Variants in NR2F1 observed in about 807,000 individuals in gnomAD.
NR2F1 encodes the protein COUP transcription factor 1.
A neutral mutation model predicts 37.7 loss-of-function variants in NR2F1; 1 was observed. That is an observed-to-expected ratio of 0.03 (90% CI 0.01 to 0.13). The LOEUF (loss-of-function observed/expected upper bound fraction) is 0.13, where lower values mean the gene tolerates loss of function less well. Ranked by LOEUF, NR2F1 falls within the 10% of genes least tolerant of loss-of-function variation. The pLI is 1.00. For missense variants in NR2F1, 268 were observed against 578.4 expected (o/e 0.46, Z 5.50); for synonymous variants, 275 against 259.6 (o/e 1.06, Z -0.57).
At chr5:93,586,430 G>A (rs921054358) in intron 1 of NR2F1, among the ~76,000 whole-genome samples, 2 of 151,924 alleles carry the variant, frequency 1.3e-5, no homozygotes, top group African/African-American at 4.8e-5. Flanking sequence ...CACAACTTTT[G>A]ATGTTGTATT....
intron 2 of NR2F1, among the ~76,000 whole-genome samples, chr5:93,592,674 C>A (rs1258594975): frequency 6.9e-5 from 8 of 115,402 alleles, no homozygotes; most frequent in Non-Finnish European, 1.1e-4. Flanking sequence ...CCACCCACAT[C>A]CCCCCCTACC....
Position 93,594,072 on chromosome 5 carries a change from G to A in NR2F1, c.*230G>A. On this transcript the variant is annotated 3_prime_UTR_variant, in exon 3 of 3. Coordinates refer to ENST00000327111, the MANE Select transcript of NR2F1 (RefSeq NM_005654.6). ...TCAGATCTGTGAGCACGTTGGCGAG[G>A]AAAAACAAAACAAACAAAAAAAAGA... 3 of 430,242 alleles carry A rather than the reference G, an allele frequency of 7.0e-6. No homozygotes were observed. The highest frequency in any genetic ancestry group is 6.7e-5 in the South Asian group (1 of 14,942). The allele number at this position is 430,242 out of a possible 1,614,324, so 26.7% of individuals were successfully genotyped here.
chr5:93,592,731 G>A (rs1753353544), intron 2 of NR2F1, among the ~76,000 whole-genome samples: 1 of 134,570 alleles, frequency 7.4e-6, no homozygotes, highest in African/African-American at 2.8e-5. Flanking sequence ...GCCTAGCTTT[G>A]TGTCTGATTG....
At chr5:93,590,073 G>T (rs980149001) in intron 2 of NR2F1, among the ~76,000 whole-genome samples, 3 of 152,326 alleles carry the variant, frequency 2.0e-5, no homozygotes, top group African/African-American at 7.2e-5. Flanking sequence ...TTTTTCAAAA[G>T]TGACAAAGAG....
At chr5:93,592,743 T>A (rs1350971929) in intron 2 of NR2F1, among the ~76,000 whole-genome samples, 1 of 144,484 alleles carries the variant, frequency 6.9e-6, no homozygotes, top group Non-Finnish European at 1.5e-5. Flanking sequence ...GTCTGATTGC[T>A]GAAGATGTCG....
At chr5:93,585,636 C>G (rs948320630) in intron 1 of NR2F1, 150 bp downstream of exon 1, 16 of 651,494 alleles carry the variant, frequency 2.5e-5, no homozygotes, top group Non-Finnish European at 3.7e-5. Context: ...CCTTCCTCCC[C>G]CGGCGTCTCC....
At chr5:93,587,258 T>A (rs1427172225) in intron 1 of NR2F1, 1 of 152,192 alleles carries the variant, frequency 6.6e-6, no homozygotes, top group Admixed American at 6.5e-5. Flanking sequence ...GTTCAACTTT[T>A]TTTCTTGAAA....
At position 93,584,925 on chromosome 5, in the gene NR2F1, C is replaced by CCCCCCTT. The variant is rs1234445623; in HGVS notation, c.-94_-88dup. ...GGCGGGCCCCCCGCCCCCTCCCCCT[C>CCCCCCTT]CCCCCTTCCCCTTCCCCTTCCCCTC... On this transcript the variant is annotated 5_prime_UTR_variant, in exon 1 of 3. Transcript: ENST00000327111. 2 of 144,026 alleles carry CCCCCCTT rather than the reference C, an allele frequency of 1.4e-5. No homozygotes were observed. The highest frequency in any genetic ancestry group is 3.1e-5 in the Non-Finnish European group (2 of 64,900). 8.9% of individuals were successfully genotyped at this position (144,026 alleles called of 1,614,324 possible).
chr5:93,585,130 G>C lies in NR2F1; in HGVS notation c.107G>C (p.Gly36Ala). The change falls in exon 1 of 3, where the codon GGC becomes GCC. Residue 36 changes from glycine to alanine, a missense_variant. By Grantham distance (60) the Gly-to-Ala change is moderately conservative. Around this residue, in one of 5 missense-constraint regions of NR2F1, gnomAD observed 90 missense variants for 106.5 expected, o/e 0.85. Coordinates refer to ENST00000327111, the MANE Select transcript of NR2F1 (RefSeq NM_005654.6). Reference sequence around the variant, plus strand: ...CAGGCGGCCCGCGGCGGCGGCGGCGGCGCCGGCGAGCAGCAGCAGCAGGCG... The same window carrying C: ...CAGGCGGCCCGCGGCGGCGGCGGCGCCGCCGGCGAGCAGCAGCAGCAGGCG... ...AAQAARGGGG[G>A]AGEQQQQAGS... The C allele has an allele frequency of 9.8e-7, 1 of 1,023,258 alleles. No individual in the cohort carries two copies. Among genetic ancestry groups the C allele is most frequent in the Non-Finnish European group, 1.2e-6 (1 of 855,564 alleles). 63.4% of individuals were successfully genotyped at this position (1,023,258 alleles called of 1,614,324 possible).
chr5:93,593,571 G>A lies in NR2F1; in HGVS notation c.1001G>A (p.Gly334Asp), dbSNP rs1753371214. 1 of 1,613,190 alleles carries A rather than the reference G, an allele frequency of 6.2e-7. No individual in the cohort carries two copies. The change falls in exon 3 of 3, where the codon GGC (glycine) becomes GAC (aspartate). Residue 334 changes from glycine (G) to aspartate (D), a missense_variant. By Grantham distance (94) the Gly-to-Asp change is moderately conservative. Around this residue, in one of 5 missense-constraint regions of NR2F1, gnomAD observed 99 missense variants for 191.9 expected, o/e 0.52. Transcript: ENST00000327111. The surrounding 1 kb of genome is among the most constrained non-coding windows in gnomAD (Gnocchi z 5.6). The part of the protein sequence containing the change: ...AIVLFTSDAC[G>D]LSDAAHIESL... ...GTGGCTGCTTGGGCAGACGCCTGTG[G>A]CCTGTCGGATGCGGCCCACATCGAG...
In NR2F1 at chr5:93,593,094, G is replaced by A. The variant is rs776232236; in HGVS notation, c.992-468G>A. Among the ~76,000 whole-genome samples the A allele has an allele frequency of 1.6e-4, 24 of 152,116 alleles. 1 individual carries two copies. Among genetic ancestry groups the A allele is most frequent in the Admixed American group, 1.5e-3 (23 of 15,278 alleles). ...GGAATCCTTTAAGAACTGCCTTCAG[G>A]CTGCATATTTCCTAAGGGGTACTGA... On this transcript the variant is annotated intron_variant, in intron 2 of 2. Coordinates refer to ENST00000327111, the MANE Select transcript of NR2F1 (RefSeq NM_005654.6). This position sits in a 1 kb window ranked among gnomAD's most constrained non-coding sequence, Gnocchi z 5.6.
At chr5:93,587,841 G>A (rs562501044) in intron 1 of NR2F1, 76 bp from the exon 2 acceptor site, 2 of 1,435,640 alleles carry the variant, frequency 1.4e-6, no homozygotes, top group South Asian at 1.3e-5. Flanking sequence ...GCATTGTGTT[G>A]GGTACGCTGC....
intron 1 of NR2F1, chr5:93,587,702 C>T: frequency 1.8e-6 from 1 of 566,348 alleles, no homozygotes; most frequent in Non-Finnish European, 3.1e-6. Context: ...TGGCCAGGGG[C>T]TCAGGCAGTG....
intron 2 of NR2F1, 92 bp downstream of exon 2, chr5:93,588,536 G>C (rs1753272447): frequency 1.1e-6 from 1 of 923,870 alleles, no homozygotes; most frequent in South Asian, 5.0e-5. Context: ...CTCCCGCGCG[G>C]CCGGTGCGGG....
chr5:93,589,301 A>G (rs1486363650), intron 2 of NR2F1, among the ~76,000 whole-genome samples: 1 of 152,256 alleles, frequency 6.6e-6, no homozygotes, highest in Admixed American at 6.5e-5. Flanking sequence ...AGATGGTTCA[A>G]ATTAACTTCC....
intron 1 of NR2F1, chr5:93,585,720 G>T (rs1333434401): frequency 2.3e-6 from 1 of 436,930 alleles, no homozygotes; most frequent in Non-Finnish European, 3.9e-6. Context: ...CCCCCACCCC[G>T]CCCGCTGCCT....
At chr5:93,589,716 A>G (rs1041947610) in intron 2 of NR2F1, among the ~76,000 whole-genome samples, 8 of 152,378 alleles carry the variant, frequency 5.3e-5, no homozygotes, top group South Asian at 2.1e-4. Context: ...ATAATCTATC[A>G]ATATTTCTTG....
Position 93,587,970 on chromosome 5 carries a change from C to G in NR2F1, c.517C>G (p.Leu173Val). The change falls in exon 2 of 3, where the codon CTC becomes GTC. Residue 173 changes from leucine (L) to valine (V), a missense_variant. This residue lies in a region of NR2F1 where 42 missense variants were observed against 72.5 expected (regional missense o/e 0.58). Coordinates refer to ENST00000327111, the MANE Select transcript of NR2F1 (RefSeq NM_005654.6). ...PTQPNPGQYALTNGDPLNGHC... is the reference protein window; with the variant it reads ...PTQPNPGQYAVTNGDPLNGHC... ...CCAGCCCAATCCAGGCCAGTACGCA[C>G]TCACCAACGGGGACCCCCTCAACGG... The G allele has an allele frequency of 1.2e-6, 2 of 1,611,160 alleles. No individual in the cohort carries two copies. Among genetic ancestry groups the G allele is most frequent in the South Asian group, 2.2e-5 (2 of 90,556 alleles).
At chr5:93,590,247 A>T (rs756970633) in intron 2 of NR2F1, among the ~76,000 whole-genome samples, 11 of 152,104 alleles carry the variant, frequency 7.2e-5, no homozygotes, top group Non-Finnish European at 1.2e-4. Flanking sequence ...CAGAAATGTG[A>T]CTTGGAACTG....
Sources: gnomAD v4.1 joint callset for allele counts (sites outside exome capture counted in the v4.1 genomes callset) on GRCh38, gnomAD v4.1.1 for gene constraint, gnomAD v4.1.1 regional missense constraint, Gnocchi (gnomAD v3.1) non-coding constraint, MANE v1.5 for transcripts, NCBI Gene and HGNC (gene_info 2026-07-23, HGNC 2026-07-21) for gene names.